The following POLE variants were observed in gnomAD, a reference collection of about 807,000 sequenced individuals.
POLE encodes the protein DNA polymerase epsilon, catalytic subunit, also known as DNA polymerase epsilon catalytic subunit A.
In POLE, 188 loss-of-function variants were observed where a neutral mutation model predicts 279.2. The observed-to-expected ratio is 0.67, with a 90% CI of 0.60 to 0.76. The LOEUF is 0.76. Among genes scored for constraint, POLE ranks in the 30% least tolerant of loss-of-function variants. The pLI, the probability that POLE is intolerant of heterozygous loss-of-function variation, is 0.00. For synonymous variants in POLE, 1,214 were observed against 1,172.5 expected, an observed-to-expected ratio of 1.04 and a Z score of -0.72; for missense variants, 2,703 against 3,016.7, an observed-to-expected ratio of 0.90 and a Z score of 2.44.
chr12:132,643,021 C>A (rs1486483560), intron 35 of POLE, 25 bp from the exon 36 acceptor site: 1 of 1,568,282 alleles, frequency 6.4e-7, no homozygotes, highest in Non-Finnish European at 8.6e-7. Flanking sequence ...GCCACGTCAG[C>A]CTCCCCCTGC....
intron 1 of POLE, among the ~76,000 whole-genome samples, chr12:132,685,093 T>C (rs2043231073): frequency 1.0e-5 from 1 of 98,544 alleles, no homozygotes; most frequent in Non-Finnish European, 2.4e-5. Context: ...GACTGGTTAC[T>C]ATATCACACC....
chr12:132,658,459 T>A (rs1351513360), intron 26 of POLE: 1 of 157,332 alleles, frequency 6.4e-6, no homozygotes, highest in East Asian at 1.9e-4. Flanking sequence ...TAAACATGTC[T>A]GCGTTTCTGA....
Position 132,680,613 on chromosome 12 carries a change from T to C in POLE, c.279A>G (p.Arg93=). 1 of 1,613,280 alleles carries C rather than the reference T, an allele frequency of 6.2e-7. No homozygotes were observed. Among genetic ancestry groups the C allele is most frequent in the South Asian group, 1.1e-5 (1 of 91,062 alleles). ...GTCGCAGTCAGGGGCTTACCTTAAA[T>C]CTGCTTCCGTCATCTTGAATAAAGT... ...DYYFIQDDGS[R]FKVALPYKPY... is the part of the protein sequence containing the mutation. The change falls in exon 3 of 49, where the codon AGA becomes AGG. Residue 93 remains arginine, a synonymous_variant. Coordinates refer to ENST00000320574, the MANE Select transcript of POLE (RefSeq NM_006231.4).
rs569761747 is a variant in POLE, at chr12:132,687,059, C to A, written c.62+195G>T. ...GCCTCGTTTCCCCGCAAAGAAGCCG[C>A]GCCCGTAGCGCCTCCGCCCGCCCCG... is the stretch of plus-strand genomic sequence containing the variant. On this transcript the variant is annotated intron_variant, in intron 1 of 48. Transcript: ENST00000320574. Among the ~76,000 whole-genome samples, 4 of 151,524 alleles carry A rather than the reference C, an allele frequency of 2.6e-5. No individual in the cohort carries two copies. In the South Asian group the frequency reaches 6.2e-4, roughly 24 times the overall value.
chr12:132,634,025 G>T lies in POLE; in HGVS notation c.6004+161C>A. 1.5e-6 allele frequency: 1 copy of T among 654,712 alleles called. No individual in the cohort carries two copies. The highest frequency in any genetic ancestry group is 2.7e-6 in the Non-Finnish European group (1 of 376,672). 40.6% of individuals were successfully genotyped at this position (654,712 alleles called of 1,614,324 possible). ...TCCAGTGGAACATGCCTGGAGCCTG[G>T]AGAGGAGGCCCCTCGGCTCACAAAG... On this transcript the variant is annotated intron_variant, in intron 43 of 48. Coordinates refer to ENST00000320574, the MANE Select transcript of POLE (RefSeq NM_006231.4). The surrounding 1 kb of genome is among the most constrained non-coding windows in gnomAD (Gnocchi z 4.0).
intron 43 of POLE, 117 bp from the exon 44 acceptor site, chr12:132,632,912 T>TA: frequency 1.7e-6 from 2 of 1,160,146 alleles, no homozygotes. Context: ...ATGTCATTGT[T>TA]AATAATTTTA....
chr12:132,672,346 G>C (rs1393089566), intron 15 of POLE, 24 bp from the exon 16 acceptor site: 3 of 1,577,516 alleles, frequency 1.9e-6, no homozygotes, highest in Non-Finnish European at 1.7e-6. Context: ...GAGACGACGG[G>C]GTCAGAGGGG....
chr12:132,636,756 TA>T (rs2042043152), intron 41 of POLE, among the ~76,000 whole-genome samples: 1 of 151,654 alleles, frequency 6.6e-6, no homozygotes, highest in African/African-American at 2.4e-5. Flanking sequence ...CCCCATCTCC[TA>T]AAAAACAAAC....
chr12:132,675,653 G>A lies in POLE; in HGVS notation c.1106+82C>T. 3.2e-6 allele frequency: 5 copies of A among 1,561,600 alleles called. No individual in the cohort carries two copies. The highest frequency in any genetic ancestry group is 2.2e-5 in the East Asian group (1 of 44,520). ...GAACCCAGGAGCCACCTCCTAAGTCGACATGGGAAGCGCCCCTGCACCACG... is the reference window on the plus strand; with the variant it reads ...GAACCCAGGAGCCACCTCCTAAGTCAACATGGGAAGCGCCCCTGCACCACG... On this transcript the variant is annotated intron_variant, in intron 11 of 48. Coordinates refer to ENST00000320574, the MANE Select transcript of POLE (RefSeq NM_006231.4). This position sits in a 1 kb window ranked among gnomAD's most constrained non-coding sequence, Gnocchi z 4.3.
At position 132,679,517 on chromosome 12, in the gene POLE, C is replaced by G. The variant is rs764758303; in HGVS notation, c.558G>C (p.Ala186=). 2.5e-6 allele frequency: 4 copies of G among 1,613,230 alleles called. No individual in the cohort carries two copies. In the East Asian group the frequency reaches 8.9e-5, roughly 36 times the overall value. ...TTTACCTGGAAAGCAGAGCTGTGTACGCGTCGCTGGCGTGATCCTGCTCCC... is the reference window on the plus strand; with the variant it reads ...TTTACCTGGAAAGCAGAGCTGTGTAGGCGTCGCTGGCGTGATCCTGCTCCC... The part of the protein sequence containing the change: ...KNREQDHASD[A]YTALLSSVLQ... The change falls in exon 6 of 49, where the codon GCG becomes GCC. Residue 186 remains alanine (A), a synonymous_variant. Coordinates refer to ENST00000320574, the MANE Select transcript of POLE (RefSeq NM_006231.4).
Position 132,668,979 on chromosome 12 carries a change from G to T in POLE, c.1795-40C>A. The T allele has an allele frequency of 6.3e-7, 1 of 1,598,196 alleles. No homozygotes were observed. The highest frequency in any genetic ancestry group is 1.1e-5 in the South Asian group (1 of 89,672). Reference sequence around the variant, plus strand: ...AAACTCAGTAGAGGCTGGTGACCAAGCTTGCCTCGTGTGCAGTTCACCAAC... The same window carrying T: ...AAACTCAGTAGAGGCTGGTGACCAATCTTGCCTCGTGTGCAGTTCACCAAC... On this transcript the variant is annotated intron_variant, in intron 16 of 48. Transcript: ENST00000320574. The surrounding 1 kb of genome is among the most constrained non-coding windows in gnomAD (Gnocchi z 4.0).
intron 26 of POLE, among the ~76,000 whole-genome samples, chr12:132,658,871 AT>A (rs2042609625): frequency 7.4e-6 from 1 of 135,966 alleles, no homozygotes; most frequent in Non-Finnish European, 1.5e-5. Context: ...TCCTATTTGT[AT>A]ATAACCACCA....
rs756931710 is a variant in POLE at position 132,624,810 on chromosome 12, C to G, written c.6748G>C (p.Val2250Leu). The part of the protein sequence containing the change: ...GDFALTIHTQ[V>L]FMEQIGIFRN... ...AATATTCCGATCTGTTCCATGAAGA[C>G]CTGCAGGAATAAACAGGCACAGTGA... Residue 2250 changes from valine to leucine, a missense_variant and splice_region_variant, in exon 49 of 49, where the codon GTC becomes CTC. This residue lies in a region of POLE where 1,551 missense variants were observed against 1,686.1 expected (regional missense o/e 0.92). Coordinates refer to ENST00000320574, the MANE Select transcript of POLE (RefSeq NM_006231.4). 7 of 1,608,826 alleles carry G rather than the reference C, an allele frequency of 4.4e-6. No individual in the cohort carries two copies. Among genetic ancestry groups the G allele is most frequent in the Non-Finnish European group, 6.0e-6 (7 of 1,175,158 alleles).
chr12:132,674,483 C>T (rs1043238251), intron 12 of POLE, among the ~76,000 whole-genome samples: 3 of 152,222 alleles, frequency 2.0e-5, no homozygotes, highest in African/African-American at 4.8e-5. Context: ...GCTAGCATAT[C>T]GGTAGCAGGG....
chr12:132,644,396 A>C (rs2042228484), intron 32 of POLE, among the ~76,000 whole-genome samples: 1 of 83,196 alleles, frequency 1.2e-5, no homozygotes. Context: ...AAACTCCTGG[A>C]CTCAAGTGAT....
rs1031999052 is a variant in POLE, at chr12:132,673,702, A to G, written c.1232T>C (p.Val411Ala). The change falls in exon 13 of 49, where the codon GTG becomes GCG. Residue 411 changes from valine (V) to alanine (A), a missense_variant. Coordinates refer to ENST00000320574, the MANE Select transcript of POLE (RefSeq NM_006231.4). ...CACAGGAAGGTAACTGTCCCTCTTC[A>G]CCCACCTGGAAGGAGAATGAGAACA... The part of the protein sequence containing the change: ...QCIHMDCLRW[V>A]KRDSYLPVGS... 6.8e-6 allele frequency: 11 copies of G among 1,613,626 alleles called. No individual in the cohort carries two copies. Among genetic ancestry groups the G allele is most frequent in the Non-Finnish European group, 8.5e-6 (10 of 1,179,970 alleles).
chr12:132,673,397 C>T (rs2042975560), intron 13 of POLE, 120 bp from the exon 14 acceptor site: 1 of 1,177,830 alleles, frequency 8.5e-7, no homozygotes, highest in African/African-American at 1.5e-5. Flanking sequence ...AGGAGACCGG[C>T]ACAGGACAAA....
rs1416072478 is a variant in POLE, at chr12:132,643,278, G to C, written c.4497C>G (p.Leu1499=). 1 of 1,613,968 alleles carries C rather than the reference G, an allele frequency of 6.2e-7. No individual in the cohort carries two copies. Among genetic ancestry groups the C allele is most frequent in the South Asian group, 1.1e-5 (1 of 91,080 alleles). Residue 1499 remains leucine (L), a synonymous_variant, in exon 35 of 49, where the codon CTC becomes CTG. Transcript: ENST00000320574. ...GCTGTGAGGGGATGAAGATCCCGAA[G>C]AGCGCTTTGTGGGCCTGTGCGTGGT... ...LYHHAQAHKA[L]FGIFIPSQRR...
rs373379724 is a variant in POLE at position 132,665,371 on chromosome 12, A to G, written c.2399T>C (p.Leu800Pro). The G allele has an allele frequency of 6.2e-7, 1 of 1,614,008 alleles. No individual in the cohort carries two copies. The change falls in exon 21 of 49, where the codon CTG becomes CCG. Residue 800 changes from leucine to proline, a missense_variant. Around this residue, in one of 5 missense-constraint regions of POLE, gnomAD observed 1,011 missense variants for 1,111.7 expected, o/e 0.91. Coordinates refer to ENST00000320574, the MANE Select transcript of POLE (RefSeq NM_006231.4). ...GTGGGCCAGCTGCAGCGAGTCATAC[A>G]GCACCTCCATGTTCTTGCAGCGCTT... The part of the protein sequence containing the change: ...EVKRCKNMEV[L>P]YDSLQLAHKC...
Sources: gnomAD v4.1 joint callset for allele counts (sites outside exome capture counted in the v4.1 genomes callset) on GRCh38, gnomAD v4.1.1 for gene constraint, gnomAD v4.1.1 regional missense constraint, Gnocchi (gnomAD v3.1) non-coding constraint, MANE v1.5 for transcripts, NCBI Gene and HGNC (gene_info 2026-07-23, HGNC 2026-07-21) for gene names.